Variants in MRPL43 observed in about 807,000 individuals in gnomAD.
MRPL43 encodes the protein large ribosomal subunit protein mL43.
In MRPL43, 9 loss-of-function variants were observed where a neutral mutation model predicts 12.7. That is an observed-to-expected ratio of 0.71 (90% CI 0.43 to 1.24). The LOEUF is 1.24. Among genes scored for constraint, MRPL43 ranks in the 50% most tolerant of loss-of-function variants. MRPL43 has a pLI of 0.00. For missense variants in MRPL43, 211 were observed against 229.2 expected, an observed-to-expected ratio of 0.92 and a Z score of 0.51; for synonymous variants, 116 against 96.4, an observed-to-expected ratio of 1.20 and a Z score of -1.19.
downstream of MRPL43, chr10:100,979,815 A>G: frequency 6.2e-7 from 1 of 1,609,822 alleles, no homozygotes; most frequent in Non-Finnish European, 8.5e-7. Flanking sequence ...GACTCCATGT[A>G]ACTCACCCCC....
downstream of MRPL43, chr10:100,981,562 T>C (rs1369590768): frequency 6.2e-7 from 1 of 1,613,476 alleles, no homozygotes; most frequent in South Asian, 1.1e-5. Context: ...AGAACAAAAG[T>C]TAATCATCAC....
In MRPL43 at chr10:100,986,371, T is replaced by C. The variant is rs1056931; in HGVS notation, c.*363A>G. The C allele has an allele frequency of 4.8e-6, 7 of 1,457,760 alleles. No individual in the cohort carries two copies. Among genetic ancestry groups the C allele is most frequent in the Non-Finnish European group, 6.3e-6 (7 of 1,109,746 alleles). The allele number at this position is 1,457,760 out of a possible 1,614,324, so 90.3% of individuals were successfully genotyped here. On this transcript the variant is annotated 3_prime_UTR_variant, in exon 3 of 3. Transcript: ENST00000318364. ...CACAGCAGAGCTCTCCGTAGCTCAGTGGTTGTTCCAATAAGACATCAGGGA... is the reference window on the plus strand; with the variant it reads ...CACAGCAGAGCTCTCCGTAGCTCAGCGGTTGTTCCAATAAGACATCAGGGA...
downstream of MRPL43, chr10:100,985,185 G>A (rs539958411): frequency 1.4e-5 from 5 of 346,484 alleles, no homozygotes; most frequent in Non-Finnish European, 2.6e-5. Flanking sequence ...AAAGGGAGGA[G>A]AAATCTGATG....
At chr10:100,982,896 C>T (rs754231588), downstream of MRPL43, among the ~76,000 whole-genome samples, 13 of 152,182 alleles carry the variant, frequency 8.5e-5, no homozygotes, top group African/African-American at 7.2e-5. Flanking sequence ...ACAGTGGTGG[C>T]GATTCAAGGA....
At chr10:100,985,448 T>G (rs547453410), downstream of MRPL43, 3 of 152,698 alleles carry the variant, frequency 2.0e-5, no homozygotes, top group African/African-American at 7.2e-5. Context: ...TCACCCAACC[T>G]CTCCCACCTC....
Position 100,986,961 on chromosome 10 carries a change from G to A in MRPL43, c.253C>T (p.Arg85Cys), listed in dbSNP as rs1213862278. Residue 85 changes from arginine to cysteine, a missense_variant, in exon 3 of 3, where the codon CGC becomes TGC. Arg to Cys is a radical substitution (Grantham distance 180). Transcript: ENST00000318364. ...VVAEYLNGAV[R>C]EESIHCKSVE... ...GACTTGCAGTGGATGCTCTCCTCGCGCACAGCCCCGTTAACTGGCAGAAGA... is the reference window on the plus strand; with the variant it reads ...GACTTGCAGTGGATGCTCTCCTCGCACACAGCCCCGTTAACTGGCAGAAGA... The A allele has an allele frequency of 1.2e-6, 2 of 1,606,518 alleles. No homozygotes were observed. Among genetic ancestry groups the A allele is most frequent in the Non-Finnish European group, 1.7e-6 (2 of 1,179,968 alleles).
rs774664482 is a variant in MRPL43 at position 100,987,473 on chromosome 10, G to A, written c.-30C>T. 2.7e-5 allele frequency: 43 copies of A among 1,607,740 alleles called. No individual in the cohort carries two copies. The highest frequency in any genetic ancestry group is 1.1e-5 in the South Asian group (1 of 90,912). ...ACAGCTTGGAGGCCGCGGAGCCTAA[G>A]CAGCGAGGAGAGGGGGGCGGGACTA... On this transcript the variant is annotated 5_prime_UTR_variant, in exon 1 of 3. Coordinates refer to ENST00000318364, the MANE Select transcript of MRPL43 (RefSeq NM_032112.3).
chr10:100,979,383 A>T (rs1850946092), downstream of MRPL43: 2 of 1,587,314 alleles, frequency 1.3e-6, no homozygotes, highest in South Asian at 2.3e-5. Context: ...CTGCAAAGTG[A>T]GAATTTTTTT....
chr10:100,981,614 T>C, downstream of MRPL43: 1 of 1,543,210 alleles, frequency 6.5e-7, no homozygotes, highest in Non-Finnish European at 8.9e-7. Context: ...CAGACACTGA[T>C]CTAAATACTT....
downstream of MRPL43, chr10:100,978,808 C>T (rs1850917617): frequency 1.2e-6 from 2 of 1,603,380 alleles, no homozygotes; most frequent in African/African-American, 2.7e-5. Flanking sequence ...AAAGGAATCC[C>T]CAGCCTGTCT....
chr10:100,984,744 T>A (rs1590003340), downstream of MRPL43: 2 of 1,535,996 alleles, frequency 1.3e-6, no homozygotes, highest in East Asian at 4.9e-5. Flanking sequence ...CTGGTCCTCT[T>A]CCCCAGCCCC....
rs540430525 is a variant in MRPL43, at chr10:100,986,606, A to T, written c.*128T>A. ...AAACAGGCAGCTCTTCATTATCCCA[A>T]GCAGAACCTCTGTCAACTTGCCCAT... On this transcript the variant is annotated 3_prime_UTR_variant, in exon 3 of 3. Coordinates refer to ENST00000318364, the MANE Select transcript of MRPL43 (RefSeq NM_032112.3). 1 of 1,611,526 alleles carries T rather than the reference A, an allele frequency of 6.2e-7. No homozygotes were observed. Among genetic ancestry groups the T allele is most frequent in the African/African-American group, 1.3e-5 (1 of 74,994 alleles).
chr10:100,981,316 G>C, downstream of MRPL43: 1 of 1,596,932 alleles, frequency 6.3e-7, no homozygotes, highest in Non-Finnish European at 8.6e-7. Context: ...GTTTGTATCT[G>C]AGTGGCTGTG....
downstream of MRPL43, chr10:100,980,435 C>G: frequency 7.1e-7 from 1 of 1,415,896 alleles, no homozygotes; most frequent in Non-Finnish European, 9.9e-7. Flanking sequence ...TCTGGAGTTC[C>G]CAGTGTCCTG....
downstream of MRPL43, among the ~76,000 whole-genome samples, chr10:100,982,062 CA>C (rs34646595): frequency 3.1e-4 from 39 of 126,784 alleles, no homozygotes; most frequent in Non-Finnish European, 2.1e-4. Context: ...CATCTCATCT[CA>C]AAAAAAAAAA....
chr10:100,978,759 T>C, downstream of MRPL43: 1 of 1,566,024 alleles, frequency 6.4e-7, no homozygotes. Flanking sequence ...ATTCCATTCC[T>C]GTGTGTTGTC....
chr10:100,978,263 G>T, downstream of MRPL43: 1 of 1,567,862 alleles, frequency 6.4e-7, no homozygotes, highest in South Asian at 1.1e-5. Flanking sequence ...CCTGTCTTCG[G>T]AACCACTTAC....
downstream of MRPL43, chr10:100,984,013 G>A (rs747701115): frequency 7.4e-6 from 12 of 1,613,266 alleles, no homozygotes; most frequent in African/African-American, 5.3e-5. Flanking sequence ...GTGCTTCTGA[G>A]GCAGAGCAAC....
downstream of MRPL43, chr10:100,984,369 C>T: frequency 6.9e-7 from 1 of 1,446,430 alleles, no homozygotes; most frequent in Non-Finnish European, 9.0e-7. Flanking sequence ...TAGGTGCTCC[C>T]TCAGGATCAG....
Sources: allele counts gnomAD v4.1 joint callset (sites outside exome capture counted in the v4.1 genomes callset), GRCh38; gene constraint gnomAD v4.1.1; transcripts MANE v1.5; gene names NCBI Gene and HGNC (gene_info 2026-07-23, HGNC 2026-07-21).